Variants in GRTP1 observed in about 807,000 individuals in gnomAD.
GRTP1 encodes growth hormone-regulated TBC protein 1.
A neutral mutation model predicts 38.1 loss-of-function variants in GRTP1; 56 were observed. The ratio of observed to expected loss-of-function variants is 1.47; its 90% CI spans 1.19 to 1.84. The LOEUF (loss-of-function observed/expected upper bound fraction) is 1.84, where lower values mean the gene tolerates loss of function less well. GRTP1 is among the 40% of genes most tolerant of loss of function. The pLI is 0.00. For missense variants in GRTP1, 506 were observed against 453.9 expected, an observed-to-expected ratio of 1.11 and a Z score of -1.04; for synonymous variants, 217 against 189.5, an observed-to-expected ratio of 1.14 and a Z score of -1.19.
chr13:113,347,301 T>C (rs867727412), intron 4 of GRTP1, among the ~76,000 whole-genome samples: 11 of 23,432 alleles, frequency 4.7e-4, no homozygotes, highest in African/African-American at 7.2e-4. Context: ...GCTGAGCGGA[T>C]CTGGGAGGAC....
rs1164009318 is a variant in GRTP1 at position 113,342,909 on chromosome 13, C to T, written c.562+1954G>A. Among the ~76,000 whole-genome samples, 1 of 151,984 alleles carries T rather than the reference C, an allele frequency of 6.6e-6. No individual in the cohort carries two copies. The highest frequency in any genetic ancestry group is 1.5e-5 in the Non-Finnish European group (1 of 68,020). On this transcript the variant is annotated intron_variant, in intron 5 of 7. Coordinates refer to ENST00000375431, the MANE Select transcript of GRTP1 (RefSeq NM_024719.4). This position sits in a 1 kb window ranked among gnomAD's most constrained non-coding sequence, Gnocchi z 4.5. ...GAAGTGACGTCGTACGGACTGAAAA[C>T]GCATCTGTCCATCACACCAGCACGG...
At chr13:113,360,920 G>A (rs2043483658) in intron 2 of GRTP1, among the ~76,000 whole-genome samples, 1 of 152,028 alleles carries the variant, frequency 6.6e-6, no homozygotes, top group Non-Finnish European at 1.5e-5. Flanking sequence ...AGACCAGCCT[G>A]GCCAACAAGG....
At chr13:113,333,772 A>G (rs1054709808) in intron 5 of GRTP1, among the ~76,000 whole-genome samples, 1 of 151,332 alleles carries the variant, frequency 6.6e-6, no homozygotes, top group Non-Finnish European at 1.5e-5. Flanking sequence ...ATTACAGGCG[A>G]GAGCCACCAC....
chr13:113,325,356 C>A, intron 7 of GRTP1: 14 of 1,426,776 alleles, frequency 9.8e-6, no homozygotes, highest in Non-Finnish European at 1.2e-5. Flanking sequence ...GTCCAGGACC[C>A]AGTGGGGAGG....
chr13:113,355,495 G>A lies in GRTP1; in HGVS notation c.182-14C>T. 1.2e-6 allele frequency: 2 copies of A among 1,601,136 alleles called. No individual in the cohort carries two copies. The highest frequency in any genetic ancestry group is 1.7e-6 in the Non-Finnish European group (2 of 1,171,324). ...CATAGCGCTTCACTGAAGGCCGAGAGGACGGACAGCGTGTGAGCTGGACCA... is the reference window on the plus strand; with the variant it reads ...CATAGCGCTTCACTGAAGGCCGAGAAGACGGACAGCGTGTGAGCTGGACCA... On this transcript the variant is annotated splice_polypyrimidine_tract_variant and intron_variant, in intron 2 of 7. Coordinates refer to ENST00000375431, the MANE Select transcript of GRTP1 (RefSeq NM_024719.4).
At chr13:113,327,097 T>G (rs1476931979) in intron 5 of GRTP1, among the ~76,000 whole-genome samples, 1 of 152,240 alleles carries the variant, frequency 6.6e-6, no homozygotes, top group Non-Finnish European at 1.5e-5. Context: ...CAGCTTGCCC[T>G]TCTTTTGAAT....
intron 5 of GRTP1, among the ~76,000 whole-genome samples, chr13:113,333,874 T>TGTGTGTG (rs33972835): frequency 1.5e-5 from 2 of 135,262 alleles, no homozygotes; most frequent in African/African-American, 5.7e-5. Flanking sequence ...TGTGTGTGTG[T>TGTGTGTG]CCGAGGCTGG....
chr13:113,347,542 G>A (rs867780772), intron 4 of GRTP1, among the ~76,000 whole-genome samples: 4 of 78,458 alleles, frequency 5.1e-5, no homozygotes, highest in East Asian at 2.5e-4. Flanking sequence ...GAGCGGATCC[G>A]GGAGGACCTC....
Position 113,325,906 on chromosome 13 carries a change from G to T in GRTP1, c.735+13C>A, listed in dbSNP as rs779773420. The T allele has an allele frequency of 5.0e-6, 8 of 1,613,838 alleles. 1 individual carries two copies. In the Admixed American group the frequency reaches 1.3e-4, roughly 27 times the overall value. ...GCGGCCCGCCCGCCCCAGGGCCCGA[G>T]TGAGGCGCTCACCTCCACGGGCAAG... On this transcript the variant is annotated intron_variant, in intron 6 of 7. Coordinates refer to ENST00000375431, the MANE Select transcript of GRTP1 (RefSeq NM_024719.4).
Position 113,346,282 on chromosome 13 carries a change from C to CCG in GRTP1, c.466-1324_466-1323insCG, listed in dbSNP as rs1566429807. 1.7e-3 allele frequency among the ~76,000 whole-genome samples: 93 copies of CCG among 53,552 alleles called. 8 individuals are homozygous for CCG. Among genetic ancestry groups the CCG allele is most frequent in the South Asian group, 6.0e-3 (6 of 996 alleles). The allele number at this position is 53,552 out of a possible 152,430, so 35.1% of individuals were successfully genotyped here. A position where few individuals can be genotyped will look rare whatever the true frequency, so the allele number is the denominator to read the frequency against. ...AGCAGATCCGGGAGGACCTCTGTGGCTGAGCGGATCTGGGAGGACCTCTGT... is the reference window on the plus strand; with the variant it reads ...AGCAGATCCGGGAGGACCTCTGTGGCCGTGAGCGGATCTGGGAGGACCTCTGT... On this transcript the variant is annotated intron_variant, in intron 4 of 7. Transcript: ENST00000375431.
intron 3 of GRTP1, among the ~76,000 whole-genome samples, chr13:113,352,270 TTTTATATATA>T (rs1252439063): frequency 2.9e-5 from 1 of 33,970 alleles, no homozygotes; most frequent in African/African-American, 1.6e-4. Flanking sequence ...ATTTTTATAT[TTTTATATATA>T]TTTATATATA....
chr13:113,325,590 G>T, intron 7 of GRTP1, 71 bp downstream of exon 7: 1 of 1,610,744 alleles, frequency 6.2e-7, no homozygotes, highest in Non-Finnish European at 8.5e-7. Context: ...CGGGTGGTCA[G>T]AGCAGCCCCC....
At chr13:113,355,585 A>T in intron 2 of GRTP1, 104 bp from the exon 3 acceptor site, 1 of 1,324,476 alleles carries the variant, frequency 7.6e-7, no homozygotes, top group Non-Finnish European at 1.0e-6. Flanking sequence ...TTCTTAAATC[A>T]AATATTAAAG....
intron 5 of GRTP1, among the ~76,000 whole-genome samples, chr13:113,337,747 C>T (rs375654648): frequency 5.3e-5 from 8 of 152,354 alleles, no homozygotes; most frequent in African/African-American, 1.2e-4. Flanking sequence ...CCAACGGGGG[C>T]GTGGCCCAGG....
intron 5 of GRTP1, 28 bp from the exon 6 acceptor site, chr13:113,326,119 C>G (rs373298057): frequency 1.2e-6 from 2 of 1,600,212 alleles, no homozygotes; most frequent in Non-Finnish European, 1.7e-6. Flanking sequence ...GAAAAGACCC[C>G]GAGACACTCC....
chr13:113,346,023 GACC>G, intron 4 of GRTP1, among the ~76,000 whole-genome samples: 2 of 88,114 alleles, frequency 2.3e-5, no homozygotes, highest in South Asian at 4.4e-4. Context: ...CGGCTGAGCA[GACC>G]TGGGAAGACA....
intron 2 of GRTP1, among the ~76,000 whole-genome samples, chr13:113,358,473 C>A (rs1478610818): frequency 3.3e-5 from 5 of 152,132 alleles, no homozygotes; most frequent in Non-Finnish European, 7.3e-5. Context: ...CAATGACAAG[C>A]TGATTCTAAA....
At chr13:113,332,406 C>T in intron 5 of GRTP1, among the ~76,000 whole-genome samples, 1 of 151,826 alleles carries the variant, frequency 6.6e-6, no homozygotes, top group Non-Finnish European at 1.5e-5. Flanking sequence ...CACACAGGTA[C>T]ACACGTGCAC....
At position 113,351,218 on chromosome 13, in the gene GRTP1, G is replaced by A. The variant is rs956981130; in HGVS notation, c.341-245C>T. On this transcript the variant is annotated intron_variant, in intron 3 of 7. Coordinates refer to ENST00000375431, the MANE Select transcript of GRTP1 (RefSeq NM_024719.4). The stretch of plus-strand genomic sequence containing the variant: ...CCTTCCCGCAGAGTCAGGGACAGCA[G>A]AGCGACCCCAGAGCTGGTGGCCAGG... 2.6e-5 allele frequency among the ~76,000 whole-genome samples: 4 copies of A among 152,162 alleles called. No individual in the cohort carries two copies. The East Asian group carries it at 7.7e-4, about 29-fold the overall frequency.
Sources: gnomAD v4.1 joint callset for allele counts (sites outside exome capture counted in the v4.1 genomes callset) on GRCh38, gnomAD v4.1.1 for gene constraint, Gnocchi (gnomAD v3.1) non-coding constraint, MANE v1.5 for transcripts, NCBI Gene and HGNC (gene_info 2026-07-23, HGNC 2026-07-21) for gene names.